Variants in RELN observed in about 807,000 individuals in gnomAD.
RELN encodes the protein reelin.
In RELN, 108 loss-of-function variants were observed where a neutral mutation model predicts 427.6. The ratio of observed to expected loss-of-function variants is 0.25; its 90% CI spans 0.22 to 0.30. The LOEUF (loss-of-function observed/expected upper bound fraction) is 0.30. Ranked by LOEUF, RELN falls within the 10% of genes least tolerant of loss-of-function variation. RELN has a pLI of 1.00. For missense variants in RELN, 3,715 were observed against 4,302.8 expected (o/e 0.86, Z 3.82); for synonymous variants, 1,524 against 1,513.4 (o/e 1.01, Z -0.16).
At chr7:103,625,820 G>C (rs1357274265) in intron 20 of RELN, among the ~76,000 whole-genome samples, 1 of 152,018 alleles carries the variant, frequency 6.6e-6, no homozygotes, top group Non-Finnish European at 1.5e-5. Flanking sequence ...TATGGGAACA[G>C]GTTTGGTAAT....
chr7:103,879,506 C>G (rs1362528868), intron 2 of RELN, among the ~76,000 whole-genome samples: 2 of 152,184 alleles, frequency 1.3e-5, no homozygotes, highest in African/African-American at 4.8e-5. Flanking sequence ...AATATTCAGT[C>G]TTCCTAATGC....
chr7:103,762,591 G>A (rs527735045), intron 4 of RELN, among the ~76,000 whole-genome samples: 3 of 152,320 alleles, frequency 2.0e-5, no homozygotes, highest in African/African-American at 7.2e-5. Flanking sequence ...CCAATGCTGA[G>A]CACAATGTCT....
intron 51 of RELN, among the ~76,000 whole-genome samples, chr7:103,509,908 T>C (rs138562372): frequency 2.6e-5 from 4 of 152,286 alleles, no homozygotes; most frequent in Non-Finnish European, 4.4e-5. Flanking sequence ...TCACTGGTCA[T>C]TAGAGAAATG....
chr7:103,729,112 T>C (rs1283741276), intron 6 of RELN, among the ~76,000 whole-genome samples: 1 of 152,142 alleles, frequency 6.6e-6, no homozygotes, highest in Non-Finnish European at 1.5e-5. Context: ...ATCATTACAT[T>C]CCTAACATGT....
rs889780700 is a variant in RELN, at chr7:103,861,746, T to C, written c.338-28074A>G. Reference sequence around the variant, plus strand: ...TTTTATGAAAGTAAAATCAATAGTATGATGGACAAAAGAAAGCTTTATAAT... The same window carrying C: ...TTTTATGAAAGTAAAATCAATAGTACGATGGACAAAAGAAAGCTTTATAAT... On this transcript the variant is annotated intron_variant, in intron 2 of 64. Coordinates refer to ENST00000428762, the MANE Select transcript of RELN (RefSeq NM_005045.4). Among the ~76,000 whole-genome samples the C allele has an allele frequency of 3.3e-5, 5 of 152,234 alleles. 1 individual carries two copies. Among genetic ancestry groups the C allele is most frequent in the South Asian group, 2.1e-4 (1 of 4,822 alleles).
intron 1 of RELN, among the ~76,000 whole-genome samples, chr7:103,946,396 G>A (rs550387396): frequency 5.3e-5 from 8 of 152,158 alleles, no homozygotes; most frequent in Non-Finnish European, 1.2e-4. Context: ...CAAAAAAAAG[G>A]TGAGAAGTTC....
chr7:103,489,397 G>T (rs1353059482), intron 60 of RELN, among the ~76,000 whole-genome samples: 1 of 152,164 alleles, frequency 6.6e-6, no homozygotes, highest in East Asian at 1.9e-4. Context: ...TGGAAATTAA[G>T]TGTTGGGGCT....
At chr7:103,863,852 T>G (rs1257399256) in intron 2 of RELN, among the ~76,000 whole-genome samples, 2 of 152,006 alleles carry the variant, frequency 1.3e-5, no homozygotes, top group Non-Finnish European at 2.9e-5. Flanking sequence ...TCCTCTAAGT[T>G]TTGCAGCACT....
chr7:103,787,935 A>G (rs1792061428), intron 3 of RELN, among the ~76,000 whole-genome samples: 1 of 152,192 alleles, frequency 6.6e-6, no homozygotes, highest in Non-Finnish European at 1.5e-5. Flanking sequence ...AAAATCCTCA[A>G]TAAAATACTG....
chr7:103,625,605 T>A (rs769971983), intron 20 of RELN, among the ~76,000 whole-genome samples: 3 of 152,168 alleles, frequency 2.0e-5, no homozygotes, highest in Admixed American at 6.5e-5. Flanking sequence ...TCATTTAATC[T>A]TTACGACAAT....
chr7:103,566,561 C>A, intron 32 of RELN, 40 bp downstream of exon 32: 1 of 1,613,206 alleles, frequency 6.2e-7, no homozygotes, highest in Non-Finnish European at 8.5e-7. Flanking sequence ...TACTTCATGA[C>A]CTAAAAGCTA....
chr7:103,546,979 T>C (rs1408335681), intron 41 of RELN, among the ~76,000 whole-genome samples: 4 of 152,250 alleles, frequency 2.6e-5, no homozygotes, highest in African/African-American at 4.8e-5. Flanking sequence ...GTTAGCTCCT[T>C]AGAAATAATC....
chr7:103,828,983 G>A (rs1403638087), intron 3 of RELN, among the ~76,000 whole-genome samples: 1 of 151,864 alleles, frequency 6.6e-6, no homozygotes, highest in Non-Finnish European at 1.5e-5. Flanking sequence ...AAAACCATCT[G>A]CTTTGAAACC....
rs58239018 is a variant in RELN, at chr7:103,518,505, G to GTTTTT, written c.7862+813_7862+817dup. Among the ~76,000 whole-genome samples the GTTTTT allele has an allele frequency of 1.1e-4, 13 of 114,364 alleles. No homozygotes were observed. The East Asian group carries it at 1.7e-3, about 15-fold the overall frequency. The allele number at this position is 114,364 out of a possible 152,430, so 75.0% of individuals were successfully genotyped here. On this transcript the variant is annotated intron_variant, in intron 49 of 64. Transcript: ENST00000428762. ...ATGCCACCACACCCAGGTAATTTAA[G>GTTTTT]TTTTTTTTTTTTTTGGTAAAATGTC...
chr7:103,473,776 C>CT (rs1827938763), intron 64 of RELN, among the ~76,000 whole-genome samples: 1 of 152,152 alleles, frequency 6.6e-6, no homozygotes, highest in Non-Finnish European at 1.5e-5. Context: ...TATAACATCA[C>CT]TGAAAGGATC....
chr7:103,687,145 C>T (rs530793933), intron 10 of RELN, among the ~76,000 whole-genome samples: 171 of 151,976 alleles, frequency 1.1e-3, no homozygotes, highest in Non-Finnish European at 2.0e-3. Context: ...AATTATTTGG[C>T]AATAATTATG....
intron 2 of RELN, among the ~76,000 whole-genome samples, chr7:103,892,408 G>A (rs1050273064): frequency 2.0e-5 from 3 of 152,180 alleles, no homozygotes; most frequent in South Asian, 2.1e-4. Context: ...TTAAAAGGGT[G>A]AAAGGGAAGA....
intron 11 of RELN, among the ~76,000 whole-genome samples, chr7:103,676,255 A>C (rs1236938719): frequency 6.6e-6 from 1 of 152,236 alleles, no homozygotes; most frequent in Non-Finnish European, 1.5e-5. Context: ...TTCTCAAAAG[A>C]AGATGTTTAT....
chr7:103,677,300 T>C (rs1201803001), intron 11 of RELN, among the ~76,000 whole-genome samples: 2 of 151,130 alleles, frequency 1.3e-5, no homozygotes, highest in Admixed American at 6.6e-5. Flanking sequence ...TTAGGAGAAA[T>C]ACCTAATGTA....
Sources: allele counts gnomAD v4.1 joint callset (sites outside exome capture counted in the v4.1 genomes callset), GRCh38; gene constraint gnomAD v4.1.1; transcripts MANE v1.5; gene names NCBI Gene and HGNC (gene_info 2026-07-23, HGNC 2026-07-21).